The following TENM3 variants were observed in gnomAD, a reference collection of about 807,000 sequenced individuals.
TENM3 encodes the protein teneurin transmembrane protein 3.
In TENM3, 63 loss-of-function variants were observed where a neutral mutation model predicts 255.1. That is an observed-to-expected ratio of 0.25 (90% CI 0.20 to 0.30). TENM3 has a LOEUF of 0.30. TENM3 is among the 10% of genes least tolerant of loss of function. The pLI is 1.00. For synonymous variants in TENM3, 1,306 were observed against 1,322.3 expected, an observed-to-expected ratio of 0.99 and a Z score of 0.27; for missense variants, 2,929 against 3,461.1, an observed-to-expected ratio of 0.85 and a Z score of 3.86.
chr4:182,540,192 GTTA>G lies in TENM3; in HGVS notation c.512-60727_512-60725del, dbSNP rs530038911. ...CAGGCCTCTAGCATTTCCTCCATAA[GTTA>G]TTATGAAGCCATGGTGGAGGGAGGA... On this transcript the variant is annotated intron_variant, in intron 3 of 27. Transcript: ENST00000511685. 1.6e-3 allele frequency among the ~76,000 whole-genome samples: 240 copies of G among 152,262 alleles called. 1 individual carries two copies. Among genetic ancestry groups the G allele is most frequent in the Non-Finnish European group, 2.4e-3 (161 of 68,012 alleles).
At chr4:182,034,479 G>C in the TENM3 span, among the ~76,000 whole-genome samples, 1 of 152,160 alleles carries the variant, frequency 6.6e-6, no homozygotes, top group South Asian at 2.1e-4. Context: ...TTCATAGTGT[G>C]TCACTGGTCT....
chr4:181,973,122 A>T, the TENM3 span, among the ~76,000 whole-genome samples: 3 of 152,228 alleles, frequency 2.0e-5, no homozygotes. Flanking sequence ...CATCAAAATT[A>T]AAAACCTGAC....
At chr4:182,460,826 A>C (rs1327863921) in intron 3 of TENM3, among the ~76,000 whole-genome samples, 1 of 152,234 alleles carries the variant, frequency 6.6e-6, no homozygotes, top group East Asian at 1.9e-4. Context: ...TGATTAGTGT[A>C]AAAATGTTTT....
At chr4:182,377,657 G>A (rs1204096462) in intron 3 of TENM3, among the ~76,000 whole-genome samples, 2 of 152,038 alleles carry the variant, frequency 1.3e-5, no homozygotes, top group Admixed American at 1.3e-4. Flanking sequence ...GCTTGTTTCT[G>A]ATACACTATA....
chr4:181,927,809 G>A, the TENM3 span, among the ~76,000 whole-genome samples: 5 of 152,282 alleles, frequency 3.3e-5, no homozygotes, highest in South Asian at 8.3e-4. Flanking sequence ...CCTCTGAGAC[G>A]AAGCTTCCAG....
the TENM3 span, among the ~76,000 whole-genome samples, chr4:181,579,963 T>A: frequency 8.2e-6 from 1 of 122,134 alleles, no homozygotes; most frequent in African/African-American, 4.3e-5. Flanking sequence ...TATTTTATTT[T>A]ATTTTATTTT....
At chr4:181,532,885 C>G in the TENM3 span, among the ~76,000 whole-genome samples, 2 of 152,066 alleles carry the variant, frequency 1.3e-5, no homozygotes, top group Non-Finnish European at 2.9e-5. Flanking sequence ...TCTGAGAATT[C>G]TGTATATAAA....
intron 3 of TENM3, among the ~76,000 whole-genome samples, chr4:182,520,017 A>G (rs994937983): frequency 2.6e-5 from 4 of 152,138 alleles, no homozygotes; most frequent in Non-Finnish European, 5.9e-5. Context: ...GGGATGCTGG[A>G]TATAGTTAAT....
intron 3 of TENM3, among the ~76,000 whole-genome samples, chr4:182,490,738 T>TGGCAACCTTGGTGGTATCTTA (rs1735218809): frequency 3.6e-5 from 1 of 27,830 alleles, no homozygotes; most frequent in South Asian, 9.7e-4. Flanking sequence ...TGAAGGGACT[T>TGGCAACCTTGGTGGTATCTTA]GGCAACCTTG....
chr4:182,616,527 A>T lies in TENM3; in HGVS notation c.750-12124A>T, dbSNP rs1450807497. ...CCCTAAAACTTAAAGTATAATAAAA[A>T]AAAAAAAAAAAAGGTCAGGAGATCA... On this transcript the variant is annotated intron_variant, in intron 4 of 27. Coordinates refer to ENST00000511685, the MANE Select transcript of TENM3 (RefSeq NM_001080477.4). Among the ~76,000 whole-genome samples the T allele has an allele frequency of 2.4e-3, 362 of 150,404 alleles. 1 individual carries two copies. Among genetic ancestry groups the T allele is most frequent in the African/African-American group, 8.5e-3 (349 of 40,868 alleles).
intron 1 of TENM3, among the ~76,000 whole-genome samples, chr4:182,259,962 C>G (rs1203903094): frequency 1.3e-5 from 2 of 151,934 alleles, no homozygotes; most frequent in Non-Finnish European, 2.9e-5. Flanking sequence ...TTTTTTAGCC[C>G]CCTGCATATG....
intron 3 of TENM3, among the ~76,000 whole-genome samples, chr4:182,455,921 T>C (rs1403292021): frequency 6.6e-5 from 10 of 152,168 alleles, no homozygotes; most frequent in South Asian, 2.1e-4. Flanking sequence ...CTGATTCTTA[T>C]TTCTGTGAGC....
chr4:181,457,374 A>G, the TENM3 span, among the ~76,000 whole-genome samples: 7 of 151,824 alleles, frequency 4.6e-5, no homozygotes, highest in Admixed American at 4.6e-4. Context: ...CTCAAGTTTA[A>G]AATTAGAATT....
the TENM3 span, among the ~76,000 whole-genome samples, chr4:181,872,281 T>C: frequency 7.9e-5 from 12 of 151,676 alleles, no homozygotes; most frequent in East Asian, 1.9e-3. Flanking sequence ...GTTATTCAGG[T>C]TTTCTGCTTT....
chr4:181,586,708 C>T, the TENM3 span, among the ~76,000 whole-genome samples: 1 of 152,076 alleles, frequency 6.6e-6, no homozygotes, highest in African/African-American at 2.4e-5. Context: ...GGCGTGGTGG[C>T]ACACTCTTGT....
intron 3 of TENM3, among the ~76,000 whole-genome samples, chr4:182,523,692 A>G (rs997519525): frequency 6.6e-6 from 1 of 152,154 alleles, no homozygotes; most frequent in Non-Finnish European, 1.5e-5. Flanking sequence ...TAGTGACAGT[A>G]TAGGTTCTGA....
chr4:182,542,371 CTT>C (rs567234747), intron 3 of TENM3, among the ~76,000 whole-genome samples: 95 of 152,194 alleles, frequency 6.2e-4, no homozygotes, highest in Non-Finnish European at 1.2e-3. Flanking sequence ...ACCTGGGACA[CTT>C]TTTTCCTCTG....
chr4:182,001,807 T>C, the TENM3 span, among the ~76,000 whole-genome samples: 5 of 152,130 alleles, frequency 3.3e-5, no homozygotes, highest in Non-Finnish European at 5.9e-5. Context: ...TGGCCTTTTT[T>C]CTAAGACTAT....
the TENM3 span, among the ~76,000 whole-genome samples, chr4:181,721,570 A>ACAGTCCG: frequency 2.6e-4 from 4 of 15,348 alleles, no homozygotes; most frequent in African/African-American, 4.8e-4. Context: ...ACTGCACTCC[A>ACAGTCCG]GCCTGGGCGA....
Sources: allele counts gnomAD v4.1 joint callset (sites outside exome capture counted in the v4.1 genomes callset), GRCh38; gene constraint gnomAD v4.1.1; transcripts MANE v1.5; gene names NCBI Gene and HGNC (gene_info 2026-07-23, HGNC 2026-07-21).